Variants in KIF26B observed in about 807,000 individuals in gnomAD.
The protein encoded by KIF26B is kinesin-like protein KIF26B.
KIF26B carries 63 observed loss-of-function variants against 151.2 expected under a neutral mutation model. That is an observed-to-expected ratio of 0.42 (90% CI 0.34 to 0.51). The LOEUF (loss-of-function observed/expected upper bound fraction) is 0.51. Among genes scored for constraint, KIF26B ranks in the 20% least tolerant of loss-of-function variants. The pLI, the probability that KIF26B is intolerant of heterozygous loss-of-function variation, is 0.07. For missense variants in KIF26B, 2,813 were observed against 2,913.6 expected (o/e 0.97, Z 0.79); for synonymous variants, 1,357 against 1,262.1 (o/e 1.08, Z -1.59).
intron 4 of KIF26B, among the ~76,000 whole-genome samples, chr1:245,438,381 G>A (rs1658983901): frequency 6.6e-6 from 1 of 152,140 alleles, no homozygotes; most frequent in Non-Finnish European, 1.5e-5. Flanking sequence ...TCTTCATCTT[G>A]TTCTTTGAGA....
chr1:245,608,641 A>G (rs1022195674), intron 7 of KIF26B, among the ~76,000 whole-genome samples: 5 of 152,222 alleles, frequency 3.3e-5, no homozygotes, highest in African/African-American at 1.2e-4. Context: ...ATGATGAAAA[A>G]GCCCAGCCTT....
chr1:245,623,175 G>A (rs2043684875), intron 9 of KIF26B, among the ~76,000 whole-genome samples: 1 of 151,370 alleles, frequency 6.6e-6, no homozygotes, highest in African/African-American at 2.4e-5. Flanking sequence ...TCAAGATAAT[G>A]AATATATTCT....
intron 3 of KIF26B, among the ~76,000 whole-genome samples, chr1:245,389,045 A>G (rs1311279650): frequency 6.6e-6 from 1 of 152,168 alleles, no homozygotes; most frequent in Non-Finnish European, 1.5e-5. Flanking sequence ...TCTTGCCAGG[A>G]AAGTTCCGTT....
chr1:245,487,288 G>A (rs950754724), intron 4 of KIF26B, among the ~76,000 whole-genome samples: 1 of 152,170 alleles, frequency 6.6e-6, no homozygotes, highest in Non-Finnish European at 1.5e-5. Context: ...AGAGAAACAT[G>A]TCATCTCCAG....
intron 4 of KIF26B, among the ~76,000 whole-genome samples, chr1:245,507,618 T>C (rs1008726270): frequency 1.3e-5 from 2 of 152,002 alleles, no homozygotes; most frequent in African/African-American, 4.8e-5. Context: ...GGGCAACAAG[T>C]CCTCCCTTGA....
At chr1:245,338,951 G>T (rs1289619154) in intron 2 of KIF26B, among the ~76,000 whole-genome samples, 1 of 151,038 alleles carries the variant, frequency 6.6e-6, no homozygotes, top group Non-Finnish European at 1.5e-5. Flanking sequence ...GGCAAGAAAG[G>T]TATGCTTCAT....
chr1:245,465,042 G>A (rs1355904631), intron 4 of KIF26B, among the ~76,000 whole-genome samples: 59 of 141,318 alleles, frequency 4.2e-4, no homozygotes, highest in Middle Eastern at 3.9e-3. Context: ...GCAGGGGCGC[G>A]ATCTCGGCTC....
intron 9 of KIF26B, among the ~76,000 whole-genome samples, chr1:245,637,469 T>C (rs1191192053): frequency 6.6e-6 from 1 of 152,128 alleles, no homozygotes; most frequent in Non-Finnish European, 1.5e-5. Flanking sequence ...ATGTAGGTTA[T>C]CTTTTCACTT....
At chr1:245,253,009 ATTT>A (rs199535347) in intron 2 of KIF26B, among the ~76,000 whole-genome samples, 4 of 135,244 alleles carry the variant, frequency 3.0e-5, no homozygotes, top group Admixed American at 7.4e-5. Flanking sequence ...TTTTTTCTTA[ATTT>A]TTTTTTTTTT....
At chr1:245,630,148 T>C (rs1243486991) in intron 9 of KIF26B, among the ~76,000 whole-genome samples, 1 of 151,500 alleles carries the variant, frequency 6.6e-6, no homozygotes, top group African/African-American at 2.4e-5. Flanking sequence ...TGTAAATTAG[T>C]TCAACTTCTG....
intron 2 of KIF26B, among the ~76,000 whole-genome samples, chr1:245,250,840 T>C (rs759947322): frequency 6.6e-6 from 1 of 152,340 alleles, no homozygotes; most frequent in Non-Finnish European, 1.5e-5. Flanking sequence ...TGTTATCGTA[T>C]TGGGGGTTCC....
At chr1:245,587,323 C>A (rs942863661) in intron 5 of KIF26B, among the ~76,000 whole-genome samples, 4 of 152,154 alleles carry the variant, frequency 2.6e-5, no homozygotes, top group East Asian at 1.9e-4. Context: ...TTTATTGTCT[C>A]ACCTGATAAA....
At chr1:245,203,236 G>A (rs1295521620) in intron 2 of KIF26B, among the ~76,000 whole-genome samples, 3 of 16,678 alleles carry the variant, frequency 1.8e-4, no homozygotes, top group Admixed American at 1.5e-3. Flanking sequence ...GACAGAGCGC[G>A]ACTCTGTCTC....
At chr1:245,325,838 G>C (rs544870714) in intron 2 of KIF26B, among the ~76,000 whole-genome samples, 15 of 152,178 alleles carry the variant, frequency 9.9e-5, no homozygotes, top group African/African-American at 3.4e-4. Flanking sequence ...TGTGGCGGAG[G>C]GGGGGTGGTA....
chr1:245,292,811 G>A (rs538220876), intron 2 of KIF26B, among the ~76,000 whole-genome samples: 58 of 152,222 alleles, frequency 3.8e-4, no homozygotes, highest in African/African-American at 1.3e-3. Context: ...CTCGGTTCTC[G>A]CTGGGTCACA....
At chr1:245,628,242 G>C (rs2043744650) in intron 9 of KIF26B, among the ~76,000 whole-genome samples, 1 of 150,176 alleles carries the variant, frequency 6.7e-6, no homozygotes, top group Non-Finnish European at 1.5e-5. Flanking sequence ...CCAGCACTTA[G>C]GGGAGCCAAG....
chr1:245,303,197 CT>C (rs757473264), intron 2 of KIF26B, among the ~76,000 whole-genome samples: 16,056 of 102,206 alleles, frequency 0.16, 665 homozygotes, highest in Middle Eastern at 0.19. Context: ...ACTAAATGTT[CT>C]TTTTTTTTTT....
chr1:245,408,785 C>A (rs946037024), intron 3 of KIF26B, among the ~76,000 whole-genome samples: 2 of 152,110 alleles, frequency 1.3e-5, no homozygotes, highest in African/African-American at 2.4e-5. Flanking sequence ...TCAAGAGTAG[C>A]GAGAAACCAA....
intron 4 of KIF26B, among the ~76,000 whole-genome samples, chr1:245,473,598 C>T (rs6428921): frequency 0.43 from 65,665 of 151,574 alleles, 15,325 homozygotes; most frequent in African/African-American, 0.56. Flanking sequence ...AAGAAGGAAA[C>T]GAAAGCAAGC....
Sources: gnomAD v4.1 joint callset for allele counts (sites outside exome capture counted in the v4.1 genomes callset) on GRCh38, gnomAD v4.1.1 for gene constraint, MANE v1.5 for transcripts, NCBI Gene and HGNC (gene_info 2026-07-23, HGNC 2026-07-21) for gene names.